Variants in GNB1 observed in about 807,000 individuals in gnomAD.
GNB1 encodes the protein G protein subunit beta 1.
A neutral mutation model predicts 42.9 loss-of-function variants in GNB1; 2 were observed. That is an observed-to-expected ratio of 0.05 (90% confidence interval 0.02 to 0.15). The LOEUF is 0.15. Ranked by LOEUF, GNB1 falls within the 10% of genes least tolerant of loss-of-function variation. The pLI is 1.00. For synonymous variants in GNB1, 183 were observed against 174.7 expected (o/e 1.05, Z -0.38); for missense variants, 193 against 462.2 (o/e 0.42, Z 5.34).
At chr1:1,852,169 A>C (rs1648022187) in intron 1 of GNB1, among the ~76,000 whole-genome samples, 1 of 149,952 alleles carries the variant, frequency 6.7e-6, no homozygotes, top group Admixed American at 6.6e-5. Context: ...CTGTAATACC[A>C]GGGGGCGATC....
chr1:1,885,162 CA>C (rs1650077752), intron 1 of GNB1, among the ~76,000 whole-genome samples: 1 of 151,728 alleles, frequency 6.6e-6, no homozygotes, highest in Non-Finnish European at 1.5e-5. Context: ...CCTGTAATCC[CA>C]GCACTTTGGG....
chr1:1,826,846 T>C (rs190151614), intron 2 of GNB1, among the ~76,000 whole-genome samples: 3 of 152,342 alleles, frequency 2.0e-5, no homozygotes, highest in Admixed American at 1.3e-4. Context: ...ATGTCATAAA[T>C]GGAGGCTGCA....
chr1:1,848,150 C>T (rs1414014451), intron 1 of GNB1, among the ~76,000 whole-genome samples: 3 of 151,886 alleles, frequency 2.0e-5, no homozygotes, highest in Non-Finnish European at 4.4e-5. Flanking sequence ...GAGGCCAAAG[C>T]GGGCAGACCA....
At chr1:1,810,354 C>T (rs1362153597) in intron 5 of GNB1, among the ~76,000 whole-genome samples, 8 of 151,554 alleles carry the variant, frequency 5.3e-5, no homozygotes, top group South Asian at 2.1e-4. Flanking sequence ...CCTGAGCCAC[C>T]GCGCCCGGCC....
intron 2 of GNB1, among the ~76,000 whole-genome samples, chr1:1,833,868 A>T (rs1647109240): frequency 6.6e-6 from 1 of 152,184 alleles, no homozygotes; most frequent in African/African-American, 2.4e-5. Flanking sequence ...CCTATAAAGT[A>T]ATCTTAACGA....
In GNB1 at chr1:1,790,449, T is replaced by C. The variant is rs2100503169; in HGVS notation, c.645A>G (p.Glu215=). The C allele has an allele frequency of 6.2e-7, 1 of 1,614,044 alleles. No homozygotes were observed. Among genetic ancestry groups the C allele is most frequent in the Non-Finnish European group, 8.5e-7 (1 of 1,179,918 alleles). The change falls in exon 9 of 12, where the codon GAA becomes GAG. Residue 215 remains glutamate (E), a synonymous_variant. Coordinates refer to ENST00000378609, the MANE Select transcript of GNB1 (RefSeq NM_002074.5). This position sits in a 1 kb window ranked among gnomAD's most constrained non-coding sequence, Gnocchi z 5.4. ...CAGTGAAGGTCTGCCGGCACATGCC[T>C]TCTCGCACATCCCAGAGTTTGGCTG... ...DASAKLWDVR[E]GMCRQTFTGH... is the part of the protein sequence containing the mutation.
At position 1,871,414 on chromosome 1, in the gene GNB1, C is replaced by T. The variant is rs531578745; in HGVS notation, c.-96+19406G>A. Among the ~76,000 whole-genome samples, 5 of 152,116 alleles carry T rather than the reference C, an allele frequency of 3.3e-5. No individual in the cohort carries two copies. The East Asian group carries it at 5.8e-4, about 18-fold the overall frequency. ...GGCGGAGGTTGCAGTGAGCCCAGAT[C>T]GCGCTACTGCACTCCAGCCACGGCA... is the stretch of plus-strand genomic sequence containing the variant. On this transcript the variant is annotated intron_variant, in intron 1 of 11. Coordinates refer to ENST00000378609, the MANE Select transcript of GNB1 (RefSeq NM_002074.5).
chr1:1,842,509 C>T (rs1647284802), intron 1 of GNB1, among the ~76,000 whole-genome samples: 1 of 151,622 alleles, frequency 6.6e-6, no homozygotes, highest in South Asian at 2.1e-4. Flanking sequence ...TGCTAAGTGA[C>T]AGATGCCATA....
intron 1 of GNB1, among the ~76,000 whole-genome samples, chr1:1,868,387 G>A (rs575672123): frequency 6.6e-6 from 1 of 152,178 alleles, no homozygotes; most frequent in East Asian, 1.9e-4. Context: ...ATGTTGGCCA[G>A]GCTGGTCTCA....
At chr1:1,811,909 C>A (rs1646784791) in intron 5 of GNB1, among the ~76,000 whole-genome samples, 3 of 146,600 alleles carry the variant, frequency 2.0e-5, no homozygotes, top group East Asian at 4.1e-4. Flanking sequence ...ACTAAAAATA[C>A]AAAAAAATTA....
intron 5 of GNB1, 140 bp downstream of exon 5, chr1:1,815,616 C>G (rs2100855859): frequency 4.9e-6 from 3 of 608,154 alleles, no homozygotes; most frequent in East Asian, 5.6e-5. Flanking sequence ...AACGCTGCAC[C>G]TTGCGTGCCC....
chr1:1,803,467 A>G (rs756872491), intron 7 of GNB1, among the ~76,000 whole-genome samples: 3 of 152,136 alleles, frequency 2.0e-5, no homozygotes, highest in Non-Finnish European at 4.4e-5. Context: ...TTTTTTGTAG[A>G]GAAGGGGTCT....
chr1:1,795,508 G>A (rs964410841), intron 7 of GNB1, among the ~76,000 whole-genome samples: 5 of 152,162 alleles, frequency 3.3e-5, no homozygotes, highest in African/African-American at 7.2e-5. Flanking sequence ...GCTCATGACT[G>A]TAATCCCAGC....
rs954300957 is a variant in GNB1, at chr1:1,786,277, A to T, written c.*786T>A. 1 of 386,692 alleles carries T rather than the reference A, an allele frequency of 2.6e-6. No individual in the cohort carries two copies. Among genetic ancestry groups the T allele is most frequent in the Non-Finnish European group, 4.6e-6 (1 of 218,848 alleles). 24.0% of individuals were successfully genotyped at this position (386,692 alleles called of 1,614,324 possible). ...AAACCCAAAGTGAGATTAAAAACTCAACTGAGAAGATAGACAGGATGGGTC... is the reference window on the plus strand; with the variant it reads ...AAACCCAAAGTGAGATTAAAAACTCTACTGAGAAGATAGACAGGATGGGTC... On this transcript the variant is annotated 3_prime_UTR_variant, in exon 12 of 12. Coordinates refer to ENST00000378609, the MANE Select transcript of GNB1 (RefSeq NM_002074.5).
chr1:1,851,307 G>A (rs560235307), intron 1 of GNB1, among the ~76,000 whole-genome samples: 11 of 152,244 alleles, frequency 7.2e-5, no homozygotes, highest in African/African-American at 2.4e-4. Context: ...CTACTCGGGA[G>A]GCTGAGGCAG....
chr1:1,836,241 T>C (rs1436609599), intron 2 of GNB1, among the ~76,000 whole-genome samples: 8 of 152,078 alleles, frequency 5.3e-5, no homozygotes, highest in Non-Finnish European at 1.0e-4. Context: ...GCCATTCTAA[T>C]GGGGGCGTGG....
chr1:1,848,356 G>A (rs1211853442), intron 1 of GNB1, among the ~76,000 whole-genome samples: 6 of 87,064 alleles, frequency 6.9e-5, no homozygotes, highest in African/African-American at 2.1e-4. Flanking sequence ...TCCAGCCCAG[G>A]CAAAAAAAAA....
chr1:1,866,966 C>A (rs1212854486), intron 1 of GNB1, among the ~76,000 whole-genome samples: 11 of 146,198 alleles, frequency 7.5e-5, no homozygotes, highest in African/African-American at 2.5e-4. Context: ...AACAAACAAA[C>A]AAAAAAACCT....
intron 5 of GNB1, among the ~76,000 whole-genome samples, chr1:1,814,460 G>A (rs1646823114): frequency 6.6e-6 from 1 of 152,152 alleles, no homozygotes; most frequent in Non-Finnish European, 1.5e-5. Context: ...TGGGGTCACG[G>A]AAGGGAGATG....
Sources: gnomAD v4.1 joint callset for allele counts (sites outside exome capture counted in the v4.1 genomes callset) on GRCh38, gnomAD v4.1.1 for gene constraint, Gnocchi (gnomAD v3.1) non-coding constraint, MANE v1.5 for transcripts, NCBI Gene and HGNC (gene_info 2026-07-23, HGNC 2026-07-21) for gene names.